Variants in DNAJC17 observed in about 807,000 individuals in gnomAD.
The protein encoded by DNAJC17 is dnaJ homolog subfamily C member 17.
Under a neutral mutation model 48.1 loss-of-function variants are expected in DNAJC17, and 35 were observed. The observed-to-expected ratio is 0.73, with a 90% CI of 0.56 to 0.96. The LOEUF is 0.96. Ranked by LOEUF, DNAJC17 falls within the 50% of genes least tolerant of loss-of-function variation. The pLI, the probability that DNAJC17 is intolerant of heterozygous loss-of-function variation, is 0.00. For missense variants in DNAJC17, 355 were observed against 377.1 expected, an observed-to-expected ratio of 0.94 and a Z score of 0.48; for synonymous variants, 117 against 142.7, an observed-to-expected ratio of 0.82 and a Z score of 1.28.
intron 1 of DNAJC17, among the ~76,000 whole-genome samples, chr15:40,801,192 A>G (rs1890064593): frequency 2.0e-5 from 3 of 152,234 alleles, no homozygotes; most frequent in Admixed American, 2.0e-4. Flanking sequence ...CTGCTACAGA[A>G]GAGCATGAAT....
At chr15:40,774,166 C>A (rs1889248849) in intron 9 of DNAJC17, 190 bp downstream of exon 9, 1 of 666,030 alleles carries the variant, frequency 1.5e-6, no homozygotes, top group South Asian at 1.8e-5. Flanking sequence ...AGAGCACCCC[C>A]CATCCATCCC....
At chr15:40,806,265 C>G (rs948231028) in intron 1 of DNAJC17, among the ~76,000 whole-genome samples, 1 of 142,798 alleles carries the variant, frequency 7.0e-6, no homozygotes, top group Non-Finnish European at 1.5e-5. Context: ...GTCGCCCAGA[C>G]TGGAGTGCAG....
At position 40,766,057 on chromosome 15, in the gene DNAJC17, C is replaced by T. The variant is rs569232703; in HGVS notation, c.*1883G>A. On this transcript the variant is annotated 3_prime_UTR_variant, in exon 11 of 11. Coordinates refer to ENST00000220496, the MANE Select transcript of DNAJC17 (RefSeq NM_018163.3). Reference sequence around the variant, plus strand: ...GCCTGCATCCTGGGGCTCTGTTCTCCGGAGGAGTTGGTCCCATCTGTAGCC... The same window carrying T: ...GCCTGCATCCTGGGGCTCTGTTCTCTGGAGGAGTTGGTCCCATCTGTAGCC... The T allele has an allele frequency of 3.6e-5, 17 of 471,556 alleles. No individual in the cohort carries two copies. The highest frequency in any genetic ancestry group is 1.7e-4 in the East Asian group (5 of 29,198). The allele number at this position is 471,556 out of a possible 1,614,324, so 29.2% of individuals were successfully genotyped here.
At position 40,767,116 on chromosome 15, in the gene DNAJC17, CAAGT is replaced by C. The variant is rs1888966189; in HGVS notation, c.*820_*823del. The C allele has an allele frequency of 8.5e-7, 1 of 1,170,248 alleles. No individual in the cohort carries two copies. 72.5% of individuals were successfully genotyped at this position (1,170,248 alleles called of 1,614,324 possible). ...ACCCCAGCGCCCAGCAAGCAGCCAG[CAAGT>C]GTGAGTCACTACAAGAGTGGCCAGG... On this transcript the variant is annotated 3_prime_UTR_variant, in exon 11 of 11. Coordinates refer to ENST00000220496, the MANE Select transcript of DNAJC17 (RefSeq NM_018163.3).
rs549405099 is a variant in DNAJC17 at position 40,782,579 on chromosome 15, T to C, written c.79-2582A>G. Among the ~76,000 whole-genome samples the C allele has an allele frequency of 2.0e-5, 3 of 152,142 alleles. 1 individual carries two copies. In the South Asian group the frequency reaches 6.2e-4, roughly 32 times the overall value. ...CTCTGCCTCCAAGGCCTTTGCTTTC[T>C]CCCTTCTGCTTGGTGTGTGTTACCT... On this transcript the variant is annotated intron_variant, in intron 1 of 10. Transcript: ENST00000220496.
intron 8 of DNAJC17, among the ~76,000 whole-genome samples, 190 bp from the exon 9 acceptor site, chr15:40,774,626 C>A (rs1359703116): frequency 1.3e-5 from 2 of 152,222 alleles, no homozygotes; most frequent in Non-Finnish European, 2.9e-5. Flanking sequence ...TTTCTAGGAA[C>A]ACAGAGCAGC....
chr15:40,794,943 T>C (rs1412389656), intron 1 of DNAJC17, among the ~76,000 whole-genome samples: 1 of 152,026 alleles, frequency 6.6e-6, no homozygotes, highest in Non-Finnish European at 1.5e-5. Context: ...GGTCTCGAAC[T>C]CCTGACCTCA....
At position 40,793,196 on chromosome 15, in the gene DNAJC17, A is replaced by C. The variant is rs886304367; in HGVS notation, c.79-13199T>G. ...GCGTGAGCACCGTGCCCAGCCCATG[A>C]AGATCCCTTCTAACTGCTGCAATAT... On this transcript the variant is annotated intron_variant, in intron 1 of 10. Coordinates refer to ENST00000220496, the MANE Select transcript of DNAJC17 (RefSeq NM_018163.3). Among the ~76,000 whole-genome samples the C allele has an allele frequency of 2.0e-5, 3 of 152,184 alleles. No individual in the cohort carries two copies. The South Asian group carries it at 6.2e-4, about 32-fold the overall frequency.
chr15:40,790,049 G>A (rs1394312655), intron 1 of DNAJC17, among the ~76,000 whole-genome samples: 2 of 152,052 alleles, frequency 1.3e-5, no homozygotes, highest in Non-Finnish European at 2.9e-5. Context: ...CTAACTTCAA[G>A]GAAATGGAAA....
At chr15:40,777,590 G>A (rs972023830) in intron 4 of DNAJC17, among the ~76,000 whole-genome samples, 1 of 152,054 alleles carries the variant, frequency 6.6e-6, no homozygotes, top group African/African-American at 2.4e-5. Context: ...GTGGTGGTGC[G>A]CAACTTAGTC....
chr15:40,781,934 T>C (rs917060244), intron 1 of DNAJC17, among the ~76,000 whole-genome samples: 2 of 150,044 alleles, frequency 1.3e-5, no homozygotes, highest in Non-Finnish European at 3.0e-5. Flanking sequence ...AAAAAAAAAA[T>C]TTTTTTTTGT....
chr15:40,775,538 C>A lies in DNAJC17; in HGVS notation c.522+15G>T. ...TGTGAGTGTGAGGTGGCCCACAGATCCTGCCCAGGCTCACCTTTAGTTTGG... is the reference window on the plus strand; with the variant it reads ...TGTGAGTGTGAGGTGGCCCACAGATACTGCCCAGGCTCACCTTTAGTTTGG... On this transcript the variant is annotated intron_variant, in intron 7 of 10. Coordinates refer to ENST00000220496, the MANE Select transcript of DNAJC17 (RefSeq NM_018163.3). The A allele has an allele frequency of 6.2e-7, 1 of 1,613,546 alleles. No individual in the cohort carries two copies. The highest frequency in any genetic ancestry group is 8.5e-7 in the Non-Finnish European group (1 of 1,179,926).
In DNAJC17 at chr15:40,770,277, AG is replaced by A; in HGVS notation, c.793-2216del. On this transcript the variant is annotated intron_variant, in intron 10 of 10. Coordinates refer to ENST00000220496, the MANE Select transcript of DNAJC17 (RefSeq NM_018163.3). The surrounding 1 kb of genome is among the most constrained non-coding windows in gnomAD (Gnocchi z 5.0). ...GTCCCTGTGGGAAACTCTTGCTGCC[AG>A]GAACTCCCAGCTGTCTGCTCTCCTG... 1 of 573,554 alleles carries A rather than the reference AG, an allele frequency of 1.7e-6. No individual in the cohort carries two copies. Among genetic ancestry groups the A allele is most frequent in the East Asian group, 2.9e-5 (1 of 34,652 alleles). 35.5% of individuals were successfully genotyped at this position (573,554 alleles called of 1,614,324 possible). A position where few individuals can be genotyped will look rare whatever the true frequency, so the allele number is the denominator to read the frequency against.
intron 1 of DNAJC17, among the ~76,000 whole-genome samples, chr15:40,789,919 A>G (rs1889749693): frequency 6.7e-6 from 1 of 149,802 alleles, no homozygotes; most frequent in South Asian, 2.1e-4. Flanking sequence ...AAAAAAAAAA[A>G]AAAAAAAAAA....
chr15:40,800,199 A>C (rs564964985), intron 1 of DNAJC17, among the ~76,000 whole-genome samples: 2 of 152,214 alleles, frequency 1.3e-5, no homozygotes, highest in Admixed American at 6.5e-5. Context: ...CCTCGAGTAC[A>C]TGAGACTACA....
At chr15:40,798,552 G>A (rs1244914944) in intron 1 of DNAJC17, among the ~76,000 whole-genome samples, 2 of 152,204 alleles carry the variant, frequency 1.3e-5, no homozygotes, top group African/African-American at 4.8e-5. Context: ...GGAAATATCA[G>A]GAGGACTGAT....
intron 1 of DNAJC17, among the ~76,000 whole-genome samples, chr15:40,781,153 G>GAAAAAAAAAAAAAAAA (rs11337976): frequency 1.1e-5 from 1 of 88,996 alleles, no homozygotes; most frequent in Non-Finnish European, 2.3e-5. Flanking sequence ...CTCCATCTCA[G>GAAAAAAAAAAAAAAAA]AAAAAAAAAA....
intron 10 of DNAJC17, among the ~76,000 whole-genome samples, chr15:40,772,870 C>G (rs1889192565): frequency 6.6e-6 from 1 of 152,134 alleles, no homozygotes; most frequent in Non-Finnish European, 1.5e-5. Context: ...GGGTTACACA[C>G]AAGCTGGAAG....
chr15:40,785,312 T>C (rs919268021), intron 1 of DNAJC17, among the ~76,000 whole-genome samples: 1 of 152,154 alleles, frequency 6.6e-6, no homozygotes. Context: ...AACAAAATTG[T>C]TTAGCTTCTT....
Sources: allele counts gnomAD v4.1 joint callset (sites outside exome capture counted in the v4.1 genomes callset), GRCh38; gene constraint gnomAD v4.1.1; non-coding constraint Gnocchi (gnomAD v3.1); transcripts MANE v1.5; gene names NCBI Gene and HGNC (gene_info 2026-07-23, HGNC 2026-07-21).